AHI1: variants seen among roughly 807,000 people sequenced by gnomAD.
The protein encoded by AHI1 is Abelson helper integration site 1, also known as jouberin.
In AHI1, 123 loss-of-function variants were observed where a neutral mutation model predicts 149.3. That is an observed-to-expected ratio of 0.82 (90% CI 0.71 to 0.96). AHI1 has a LOEUF of 0.96. Among genes scored for constraint, AHI1 ranks in the 40% least tolerant of loss-of-function variants. The pLI, the probability that AHI1 is intolerant of heterozygous loss-of-function variation, is 0.00. For synonymous variants in AHI1, 475 were observed against 459.8 expected (o/e 1.03, Z -0.42); for missense variants, 1,439 against 1,422.7 (o/e 1.01, Z -0.18).
Position 135,480,638 on chromosome 6 carries a change from G to A in AHI1, c.135+9985C>T, listed in dbSNP as rs188893530. Among the ~76,000 whole-genome samples, 46 of 152,290 alleles carry A rather than the reference G, an allele frequency of 3.0e-4. No individual in the cohort carries two copies. The East Asian group carries it at 8.3e-3, about 27-fold the overall frequency. On this transcript the variant is annotated intron_variant, in intron 5 of 28. Coordinates refer to ENST00000265602, the MANE Select transcript of AHI1 (RefSeq NM_001134831.2). ...CTTTTAGTGGTGATTGAGTAATGAG[G>A]ACTTTGCCCTCGTGGGTGGATTAAT...
chr6:135,404,853 T>G, intron 22 of AHI1, 98 bp downstream of exon 22: 2 of 1,078,980 alleles, frequency 1.9e-6, no homozygotes, highest in Non-Finnish European at 2.8e-6. Flanking sequence ...TCAGATTAAC[T>G]CTTATAAAGG....
intron 5 of AHI1, among the ~76,000 whole-genome samples, chr6:135,479,181 TGGGGCACTGCCTA>T (rs920131727): frequency 4.9e-4 from 74 of 152,354 alleles, no homozygotes; most frequent in South Asian, 2.5e-3. Flanking sequence ...CAGTCTCCAC[TGGGGCACTGCCTA>T]GGGGCACTGC....
At chr6:135,330,281 T>G (rs1012699134) in intron 24 of AHI1, among the ~76,000 whole-genome samples, 2 of 152,240 alleles carry the variant, frequency 1.3e-5, no homozygotes, top group Non-Finnish European at 2.9e-5. Context: ...TTCATTTTTG[T>G]CTTATTTTAA....
chr6:135,294,698 C>CAAAAAAAAAAAAAAAAAAAAAAA (rs56734547), intron 27 of AHI1, among the ~76,000 whole-genome samples: 4 of 68,016 alleles, frequency 5.9e-5, no homozygotes, highest in African/African-American at 9.6e-5. Flanking sequence ...TCTCCAAATG[C>CAAAAAAAAAAAAAAAAAAAAAAA]AAAAAAAAAA....
chr6:135,374,962 G>T (rs1775678939), intron 23 of AHI1, among the ~76,000 whole-genome samples: 1 of 152,162 alleles, frequency 6.6e-6, no homozygotes, highest in East Asian at 1.9e-4. Context: ...AATAGGCTTT[G>T]TCTTAGATGA....
chr6:135,441,666 A>G (rs1786323152), intron 14 of AHI1, among the ~76,000 whole-genome samples: 1 of 152,216 alleles, frequency 6.6e-6, no homozygotes, highest in Non-Finnish European at 1.5e-5. Context: ...GAATAAAATA[A>G]TTCTTTCACT....
Position 135,405,109 on chromosome 6 carries a change from C to T in AHI1, c.2962-132G>A, listed in dbSNP as rs7742466. On this transcript the variant is annotated intron_variant, in intron 21 of 28. Coordinates refer to ENST00000265602, the MANE Select transcript of AHI1 (RefSeq NM_001134831.2). ...GAAGTTTCTTTATCCATTATCCTGC[C>T]GTTGTCACTCTGCATTGTTTCCAAT... The T allele has an allele frequency of 1.2e-3, 838 of 689,442 alleles. 4 individuals carry two copies. In the African/African-American group the frequency reaches 0.013, roughly 11 times the overall value. 42.7% of individuals were successfully genotyped at this position (689,442 alleles called of 1,614,324 possible). A position where few individuals can be genotyped will look rare whatever the true frequency, so the allele number is the denominator to read the frequency against.
At chr6:135,387,865 A>G in intron 23 of AHI1, 2 of 1,512,686 alleles carry the variant, frequency 1.3e-6, no homozygotes, top group Non-Finnish European at 1.8e-6. Flanking sequence ...CAATTCTATG[A>G]AGTAGGAAAT....
intron 23 of AHI1, among the ~76,000 whole-genome samples, chr6:135,380,143 T>C (rs1276274892): frequency 1.3e-5 from 2 of 150,950 alleles, no homozygotes; most frequent in Non-Finnish European, 2.9e-5. Flanking sequence ...AACCCAACCC[T>C]ACTCCTCAGG....
chr6:135,356,203 A>G (rs993411328), intron 24 of AHI1, among the ~76,000 whole-genome samples: 1 of 152,212 alleles, frequency 6.6e-6, no homozygotes, highest in African/African-American at 2.4e-5. Context: ...ACAGATACTT[A>G]AATCATGGTA....
intron 3 of AHI1, 114 bp from the exon 4 acceptor site, chr6:135,492,405 C>T (rs1795370249): frequency 7.5e-7 from 1 of 1,330,492 alleles, no homozygotes; most frequent in Non-Finnish European, 9.7e-7. Context: ...AAGTTTATAC[C>T]AATAAAGCTA....
chr6:135,296,069 G>A (rs569461481), intron 27 of AHI1, among the ~76,000 whole-genome samples: 9 of 152,258 alleles, frequency 5.9e-5, no homozygotes, highest in Admixed American at 3.9e-4. Context: ...TGGCCAGGCT[G>A]GTCTCGAACT....
chr6:135,414,622 A>G (rs1448069550), intron 20 of AHI1, among the ~76,000 whole-genome samples: 2 of 152,156 alleles, frequency 1.3e-5, no homozygotes, highest in Non-Finnish European at 2.9e-5. Flanking sequence ...AAAATGGAGA[A>G]AAGATTTGAA....
At chr6:135,353,440 C>T (rs1792462894) in intron 24 of AHI1, among the ~76,000 whole-genome samples, 2 of 152,176 alleles carry the variant, frequency 1.3e-5, no homozygotes, top group South Asian at 4.1e-4. Context: ...AAATAAAGTG[C>T]TTCCTTTGAA....
intron 5 of AHI1, among the ~76,000 whole-genome samples, chr6:135,481,279 T>C (rs768456656): frequency 1.3e-5 from 2 of 152,250 alleles, no homozygotes. Context: ...TGGTATTCTG[T>C]TATAAGCAAC....
At chr6:135,368,949 T>C (rs1425389297) in intron 23 of AHI1, among the ~76,000 whole-genome samples, 2 of 152,250 alleles carry the variant, frequency 1.3e-5, no homozygotes, top group Non-Finnish European at 2.9e-5. Context: ...TTGCCTTCAG[T>C]TGAAATTGTT....
chr6:135,304,542 C>T (rs1459876298), intron 26 of AHI1, among the ~76,000 whole-genome samples: 1 of 151,886 alleles, frequency 6.6e-6, no homozygotes, highest in East Asian at 1.9e-4. Context: ...GAGGCCAAGG[C>T]AGGCAGATCA....
At chr6:135,467,540 C>A (rs1320409742) in intron 6 of AHI1, 41 bp downstream of exon 6, 4 of 1,532,434 alleles carry the variant, frequency 2.6e-6, no homozygotes, top group Non-Finnish European at 3.6e-6. Context: ...TTTAGTGACT[C>A]TCATGCTCTT....
intron 8 of AHI1, among the ~76,000 whole-genome samples, chr6:135,461,359 A>G (rs1318435489): frequency 1.3e-5 from 2 of 152,058 alleles, no homozygotes; most frequent in East Asian, 1.9e-4. Flanking sequence ...ACCAAAATGA[A>G]TATCACTATA....
Sources: allele counts gnomAD v4.1 joint callset (sites outside exome capture counted in the v4.1 genomes callset), GRCh38; gene constraint gnomAD v4.1.1; transcripts MANE v1.5; gene names NCBI Gene and HGNC (gene_info 2026-07-23, HGNC 2026-07-21).